Variants in SYNE3 observed in about 807,000 individuals in gnomAD.
SYNE3 encodes the protein spectrin repeat containing nuclear envelope family member 3.
A neutral mutation model predicts 111.2 loss-of-function variants in SYNE3; 100 were observed. The ratio of observed to expected loss-of-function variants is 0.90; its 90% CI spans 0.77 to 1.06. SYNE3 has a LOEUF of 1.06. Among genes scored for constraint, SYNE3 ranks in the 50% least tolerant of loss-of-function variants. The probability of loss-of-function intolerance (pLI) is 0.00; values close to 1 mark genes in which losing one functional copy is unlikely to be tolerated. For synonymous variants in SYNE3, 547 were observed against 533.9 expected (o/e 1.02, Z -0.34); for missense variants, 1,160 against 1,240.3 (o/e 0.94, Z 0.97).
intron 1 of SYNE3, among the ~76,000 whole-genome samples, chr14:95,481,289 T>C (rs1595244466): frequency 1.3e-5 from 2 of 152,160 alleles, no homozygotes; most frequent in South Asian, 4.1e-4. Flanking sequence ...GGGCATCCAA[T>C]AGAACTGCCC....
Position 95,439,282 on chromosome 14 carries a change from G to T in SYNE3, c.2247-120C>A. ...GAGTCAGTGCCCCCCACTGAAGTTTGTGAGAATGTTCCTGAGGCATGCTCA... is the reference window on the plus strand; with the variant it reads ...GAGTCAGTGCCCCCCACTGAAGTTTTTGAGAATGTTCCTGAGGCATGCTCA... On this transcript the variant is annotated intron_variant, in intron 13 of 17. Coordinates refer to ENST00000682763, the MANE Select transcript of SYNE3 (RefSeq NM_152592.6). 2.1e-6 allele frequency: 3 copies of T among 1,448,638 alleles called. No homozygotes were observed. The Admixed American group carries it at 5.2e-5, about 25-fold the overall frequency. The allele number at this position is 1,448,638 out of a possible 1,614,324, so 89.7% of individuals were successfully genotyped here.
intron 17 of SYNE3, among the ~76,000 whole-genome samples, chr14:95,427,762 T>C (rs1201374): frequency 0.48 from 68,684 of 143,436 alleles, 16,503 homozygotes; most frequent in Admixed American, 0.58. Flanking sequence ...TACCGGTCTC[T>C]GTGTCTTGGT....
Position 95,493,887 on chromosome 14 carries a change from AT to A in SYNE3, c.-14-18053del, listed in dbSNP as rs139640419. On this transcript the variant is annotated intron_variant, in intron 1 of 17. Transcript: ENST00000682763. Reference sequence around the variant, plus strand: ...CAATTCAATAGCATTTGTTGAGATAATTTTTTTTTAATTTTATACTTGAAAG... The same window carrying A: ...CAATTCAATAGCATTTGTTGAGATAATTTTTTTTAATTTTATACTTGAAAG... Among the ~76,000 whole-genome samples the A allele has an allele frequency of 1.8e-4, 28 of 152,064 alleles. No homozygotes were observed. In the East Asian group the frequency reaches 3.7e-3, roughly 20 times the overall value.
chr14:95,514,824 G>A (rs571333343), intron 1 of SYNE3, among the ~76,000 whole-genome samples: 1 of 152,322 alleles, frequency 6.6e-6, no homozygotes, highest in African/African-American at 2.4e-5. Flanking sequence ...CGTTGAGCTG[G>A]GCCTGCCCAG....
chr14:95,439,873 G>C (rs763755134), intron 12 of SYNE3, 41 bp downstream of exon 12: 16 of 1,598,784 alleles, frequency 1.0e-5, no homozygotes, highest in African/African-American at 1.3e-5. Flanking sequence ...GCCTGTCAAG[G>C]CTGCTTCTTT....
At chr14:95,480,604 G>A (rs1889182578) in intron 1 of SYNE3, among the ~76,000 whole-genome samples, 1 of 152,244 alleles carries the variant, frequency 6.6e-6, no homozygotes, top group Non-Finnish European at 1.5e-5. Context: ...GAGAGGACAG[G>A]AATCTTCCAG....
At chr14:95,495,844 G>A (rs1890067763) in intron 1 of SYNE3, among the ~76,000 whole-genome samples, 11 of 152,246 alleles carry the variant, frequency 7.2e-5, no homozygotes, top group Admixed American at 7.2e-4. Flanking sequence ...GCTCATGCTG[G>A]ACTGTCCCCC....
chr14:95,444,343 G>T, intron 10 of SYNE3, 142 bp downstream of exon 10: 1 of 1,103,420 alleles, frequency 9.1e-7, no homozygotes, highest in Non-Finnish European at 1.2e-6. Context: ...CTGTTGAGGT[G>T]AAAGGTCAGA....
chr14:95,496,476 G>C (rs1885423), intron 1 of SYNE3, among the ~76,000 whole-genome samples: 97,697 of 152,070 alleles, frequency 0.64, 31,859 homozygotes, highest in African/African-American at 0.76. Context: ...TCCAAAATGT[G>C]TCTGTGAGCT....
intron 8 of SYNE3, 37 bp from the exon 9 acceptor site, chr14:95,446,128 G>C (rs781239512): frequency 3.7e-6 from 6 of 1,608,812 alleles, no homozygotes; most frequent in Non-Finnish European, 4.2e-6. Flanking sequence ...CACAGACCGG[G>C]CAGGACACAG....
Position 95,439,709 on chromosome 14 carries a change from T to C in SYNE3, c.2149A>G (p.Lys717Glu). ...ACGGCAGCACCCTCCGGAGAAGACT[T>C]CTCCATCACCAGCCAGCCCTGCGCT... The part of the protein sequence containing the change: ...VEAQGWLVME[K>E]SSPEGAAVVQ... The change falls in exon 13 of 18, where the codon AAG becomes GAG. Residue 717 changes from lysine (K) to glutamate (E), a missense_variant. Lys to Glu is a moderately conservative substitution (Grantham distance 56, BLOSUM62 1). Coordinates refer to ENST00000682763, the MANE Select transcript of SYNE3 (RefSeq NM_152592.6). The C allele has an allele frequency of 6.2e-7, 1 of 1,614,024 alleles. No homozygotes were observed. Among genetic ancestry groups the C allele is most frequent in the South Asian group, 1.1e-5 (1 of 91,066 alleles).
rs1381736974 is a variant in SYNE3, at chr14:95,423,896, GGGATTTGATGGGGATGA to G, written c.2728-5887_2728-5871del. ...TGGGGATGGGGTTTTGATGGGGATG[GGGATTTGATGGGGATGA>G]GGATTTGATGGGGATGGGGATTTGA... On this transcript the variant is annotated intron_variant, in intron 17 of 17. Transcript: ENST00000682763. Among the ~76,000 whole-genome samples the G allele has an allele frequency of 7.5e-4, 54 of 71,840 alleles. 3 individuals are homozygous for G. In the East Asian group the frequency reaches 0.02, roughly 26 times the overall value. The allele number at this position is 71,840 out of a possible 152,430, so 47.1% of individuals were successfully genotyped here.
At position 95,458,714 on chromosome 14, in the gene SYNE3, A is replaced by G. The variant is rs76592609; in HGVS notation, c.628-1376T>C. 9.4e-3 allele frequency among the ~76,000 whole-genome samples: 1,438 copies of G among 152,276 alleles called. 59 individuals are homozygous for G. The highest frequency in any genetic ancestry group is 0.061 in the Admixed American group (935 of 15,304). ...ACTGGGGGATCCAGGAGGTTCCTAG[A>G]AACAAGGCTGCCCCTGTTATTTCAT... On this transcript the variant is annotated intron_variant, in intron 4 of 17. Transcript: ENST00000682763.
chr14:95,454,428 T>G (rs11845540), intron 6 of SYNE3, among the ~76,000 whole-genome samples: 4,427 of 152,264 alleles, frequency 0.029, 190 homozygotes, highest in African/African-American at 0.1. Context: ...CGAAAGCCAC[T>G]CAGTTAGCAA....
chr14:95,465,120 G>C (rs1024629403), intron 4 of SYNE3, among the ~76,000 whole-genome samples: 6 of 152,116 alleles, frequency 3.9e-5, no homozygotes, highest in African/African-American at 9.7e-5. Flanking sequence ...AGAGGGACTG[G>C]GGCAAGGGCA....
At chr14:95,511,279 A>G (rs1890711494) in intron 1 of SYNE3, among the ~76,000 whole-genome samples, 1 of 152,232 alleles carries the variant, frequency 6.6e-6, no homozygotes, top group African/African-American at 2.4e-5. Flanking sequence ...TCCTAAGAGG[A>G]CTTCCTGTAG....
intron 17 of SYNE3, among the ~76,000 whole-genome samples, chr14:95,420,554 A>G (rs796194955): frequency 1.2e-4 from 18 of 152,336 alleles, no homozygotes; most frequent in African/African-American, 3.8e-4. Flanking sequence ...GTGTTTATAC[A>G]TACAAGTGTT....
At chr14:95,441,080 C>A (rs1886389135) in intron 11 of SYNE3, among the ~76,000 whole-genome samples, 1 of 152,200 alleles carries the variant, frequency 6.6e-6, no homozygotes, top group African/African-American at 2.4e-5. Flanking sequence ...ACATAGCCTG[C>A]CATGAACCAG....
intron 8 of SYNE3, among the ~76,000 whole-genome samples, chr14:95,446,401 C>T (rs1170664839): frequency 6.6e-6 from 1 of 152,102 alleles, no homozygotes; most frequent in Non-Finnish European, 1.5e-5. Context: ...GCCCCGACTG[C>T]AGTGCACCCT....
Sources: gnomAD v4.1 joint callset for allele counts (sites outside exome capture counted in the v4.1 genomes callset) on GRCh38, gnomAD v4.1.1 for gene constraint, MANE v1.5 for transcripts, NCBI Gene and HGNC (gene_info 2026-07-23, HGNC 2026-07-21) for gene names.